PPP2R5C: variants seen among roughly 807,000 people sequenced by gnomAD.
PPP2R5C encodes the protein serine/threonine-protein phosphatase 2A 56 kDa regulatory subunit gamma isoform.
A neutral mutation model predicts 68.9 loss-of-function variants in PPP2R5C; 7 were observed. That is an observed-to-expected ratio of 0.10 (90% CI 0.06 to 0.19). PPP2R5C has a LOEUF of 0.19. Ranked by LOEUF, PPP2R5C falls within the 10% of genes least tolerant of loss-of-function variation. PPP2R5C has a pLI of 1.00. For missense variants in PPP2R5C, 348 were observed against 641.3 expected, an observed-to-expected ratio of 0.54 and a Z score of 4.94; for synonymous variants, 210 against 222.2, an observed-to-expected ratio of 0.95 and a Z score of 0.49.
intron 1 of PPP2R5C, among the ~76,000 whole-genome samples, chr14:101,822,212 T>C (rs112848440): frequency 1.1e-4 from 17 of 152,150 alleles, no homozygotes; most frequent in African/African-American, 4.1e-4. Flanking sequence ...GTCACCTTAC[T>C]TTCCTGAATC....
intron 1 of PPP2R5C, among the ~76,000 whole-genome samples, chr14:101,842,737 G>A (rs1202778899): frequency 6.7e-6 from 1 of 149,586 alleles, no homozygotes; most frequent in Admixed American, 6.8e-5. Flanking sequence ...GGGCATGGAT[G>A]GGAGTGATGT....
At chr14:101,864,298 G>C (rs2042927751) in intron 2 of PPP2R5C, among the ~76,000 whole-genome samples, 1 of 152,194 alleles carries the variant, frequency 6.6e-6, no homozygotes, top group South Asian at 2.1e-4. Flanking sequence ...CTTCGCATTA[G>C]AGTGGACCTC....
intron 2 of PPP2R5C, among the ~76,000 whole-genome samples, chr14:101,782,409 T>C (rs1166677547): frequency 3.1e-4 from 1 of 3,182 alleles, no homozygotes; most frequent in Middle Eastern, 0.5. Context: ...TCCCCTTCCC[T>C]CTCTCTCCCC....
At chr14:101,816,932 A>G (rs2039749325) in intron 1 of PPP2R5C, among the ~76,000 whole-genome samples, 1 of 141,702 alleles carries the variant, frequency 7.1e-6, no homozygotes, top group African/African-American at 2.6e-5. Context: ...TATATAATAT[A>G]TATAATATAA....
intron 3 of PPP2R5C, among the ~76,000 whole-genome samples, chr14:101,792,154 A>T (rs759849411): frequency 2.0e-4 from 31 of 152,190 alleles, no homozygotes; most frequent in Non-Finnish European, 3.4e-4. Context: ...GCAACGCTTT[A>T]TAACTTAGGA....
At chr14:101,865,525 A>G (rs79336672) in intron 2 of PPP2R5C, among the ~76,000 whole-genome samples, 9,790 of 152,296 alleles carry the variant, frequency 0.064, 423 homozygotes, top group East Asian at 0.15. Context: ...AGAGTCAAGG[A>G]GCAAGAATTC....
chr14:101,772,425 C>T (rs1347365427), intron 2 of PPP2R5C, among the ~76,000 whole-genome samples: 1 of 152,072 alleles, frequency 6.6e-6, no homozygotes, highest in Admixed American at 6.6e-5. Context: ...TCCTCCTAGT[C>T]TTTCTTTATA....
chr14:101,820,767 A>G (rs796085559), intron 1 of PPP2R5C: 119 of 152,334 alleles, frequency 7.8e-4, no homozygotes, highest in African/African-American at 2.7e-3. Context: ...AAAATGTACA[A>G]CATGGCCATT....
chr14:101,815,602 G>A (rs772519116), intron 1 of PPP2R5C, among the ~76,000 whole-genome samples: 1 of 152,294 alleles, frequency 6.6e-6, no homozygotes, highest in Admixed American at 6.5e-5. Flanking sequence ...TAGAGTAGAG[G>A]CATCAGTTAG....
At chr14:101,809,279 A>G (rs924477496), upstream of PPP2R5C, among the ~76,000 whole-genome samples, 1 of 152,108 alleles carries the variant, frequency 6.6e-6, no homozygotes, top group African/African-American at 2.4e-5. Flanking sequence ...ATAGATCTCA[A>G]GAAAAAAAGT....
At chr14:101,892,696 G>C (rs185481684) in intron 6 of PPP2R5C, among the ~76,000 whole-genome samples, 1 of 152,176 alleles carries the variant, frequency 6.6e-6, no homozygotes, top group Non-Finnish European at 1.5e-5. Context: ...GCAGGGACCG[G>C]AGCACTATAT....
intron 1 of PPP2R5C, chr14:101,820,427 A>G (rs1291802482): frequency 6.6e-6 from 1 of 152,242 alleles, no homozygotes; most frequent in Non-Finnish European, 1.5e-5. Flanking sequence ...GAACGATGCT[A>G]CAAACAAGCG....
intron 1 of PPP2R5C, among the ~76,000 whole-genome samples, chr14:101,815,682 T>G (rs2039615634): frequency 1.3e-5 from 2 of 152,216 alleles, no homozygotes. Context: ...ACTATATTTC[T>G]TTTTTGAGTT....
intron 5 of PPP2R5C, among the ~76,000 whole-genome samples, chr14:101,885,560 G>A (rs1227700664): frequency 6.6e-6 from 1 of 152,252 alleles, no homozygotes; most frequent in African/African-American, 2.4e-5. Context: ...CATAAGGGTT[G>A]CATTCCCTCC....
chr14:101,821,437 G>A (rs1202614737), intron 1 of PPP2R5C, among the ~76,000 whole-genome samples: 2 of 124,266 alleles, frequency 1.6e-5, no homozygotes, highest in African/African-American at 3.2e-5. Context: ...TCTCCCTGTG[G>A]GGGGTGGGTG....
At chr14:101,885,377 C>A (rs1320611184) in intron 5 of PPP2R5C, among the ~76,000 whole-genome samples, 1 of 149,360 alleles carries the variant, frequency 6.7e-6, no homozygotes, top group Non-Finnish European at 1.5e-5. Flanking sequence ...CGTCTGCAGT[C>A]ATTAGGGCCC....
In PPP2R5C at chr14:101,882,709, G is replaced by A. The variant is rs2749889; in HGVS notation, c.405+438G>A. The A allele has an allele frequency of 0.29, 47,115 of 163,276 alleles. 9,780 individuals are homozygous for A. Among genetic ancestry groups the A allele is most frequent in the African/African-American group, 0.6 (25,216 of 41,710 alleles). 10.1% of individuals were successfully genotyped at this position (163,276 alleles called of 1,614,324 possible). ...CCAGGGTCGGCATGAGCAGAGCGGG[G>A]GCCAGGTGTGCGGGTGGGAGGGCCA... On this transcript the variant is annotated intron_variant, in intron 3 of 13. Transcript: ENST00000334743. The surrounding 1 kb of genome is among the most constrained non-coding windows in gnomAD (Gnocchi z 4.9).
At chr14:101,800,687 A>C (rs1414840720) in intron 3 of PPP2R5C, among the ~76,000 whole-genome samples, 2 of 151,950 alleles carry the variant, frequency 1.3e-5, no homozygotes, top group African/African-American at 4.8e-5. Flanking sequence ...GAAATAAAAA[A>C]CATCCATATG....
chr14:101,918,089 A>T (rs1307965303), intron 13 of PPP2R5C, 142 bp downstream of exon 15: 1 of 1,228,666 alleles, frequency 8.1e-7, no homozygotes, highest in Non-Finnish European at 1.1e-6. Context: ...TATAGGAAAC[A>T]TTGTATCGAT....
Sources: allele counts gnomAD v4.1 joint callset (sites outside exome capture counted in the v4.1 genomes callset), GRCh38; gene constraint gnomAD v4.1.1; non-coding constraint Gnocchi (gnomAD v3.1); transcripts MANE v1.5; gene names NCBI Gene and HGNC (gene_info 2026-07-23, HGNC 2026-07-21).